The following RALY variants were observed in gnomAD, a reference collection of about 807,000 sequenced individuals.
RALY encodes the protein RNA-binding protein Raly.
In RALY, 15 loss-of-function variants were observed where a neutral mutation model predicts 30.7. The ratio of observed to expected loss-of-function variants is 0.49; its 90% CI spans 0.33 to 0.75. The LOEUF (loss-of-function observed/expected upper bound fraction) is 0.75, where lower values mean the gene tolerates loss of function less well. RALY is among the 30% of genes least tolerant of loss of function. The pLI is 0.02. For synonymous variants in RALY, 177 were observed against 170.8 expected (o/e 1.04, Z -0.28); for missense variants, 339 against 414.3 (o/e 0.82, Z 1.58).
chr20:34,031,502 G>A lies in RALY; in HGVS notation c.-92-20G>A, dbSNP rs2032277239. On this transcript the variant is annotated intron_variant, in intron 1 of 9. Coordinates refer to ENST00000246194, the MANE Select transcript of RALY (RefSeq NM_016732.3). ...CCTGTTCTGAGCAGCACCCCTAATG[G>A]ACTTCTCTCTCTATTGTAGGTGAGC... The A allele has an allele frequency of 6.6e-6, 1 of 152,076 alleles. No homozygotes were observed. 9.4% of individuals were successfully genotyped at this position (152,076 alleles called of 1,614,324 possible).
intron 1 of RALY, among the ~76,000 whole-genome samples, chr20:34,010,803 C>CTGGAGAGGT (rs1205085535): frequency 2.0e-5 from 3 of 152,120 alleles, no homozygotes; most frequent in Non-Finnish European, 4.4e-5. Context: ...TCTTATAGGT[C>CTGGAGAGGT]TGGAGAGGTT....
rs570328139 is a variant in RALY at position 34,009,111 on chromosome 20, A to G, written c.-93+14980A>G. 7.9e-5 allele frequency among the ~76,000 whole-genome samples: 12 copies of G among 152,274 alleles called. No individual in the cohort carries two copies. In the South Asian group the frequency reaches 2.5e-3, roughly 32 times the overall value. Reference sequence around the variant, plus strand: ...GGAGGAAGATTTTTGAGAAAGTAGCAGAGGCTAGAGCCTGACGCTGACCAT... The same window carrying G: ...GGAGGAAGATTTTTGAGAAAGTAGCGGAGGCTAGAGCCTGACGCTGACCAT... On this transcript the variant is annotated intron_variant, in intron 1 of 9. Coordinates refer to ENST00000246194, the MANE Select transcript of RALY (RefSeq NM_016732.3).
intron 1 of RALY, among the ~76,000 whole-genome samples, chr20:34,006,622 T>G (rs1039647172): frequency 6.7e-6 from 1 of 149,118 alleles, no homozygotes; most frequent in African/African-American, 2.6e-5. Context: ...CTAATATGAT[T>G]GTAATACCAT....
chr20:34,001,632 T>A (rs1301617145), intron 1 of RALY, among the ~76,000 whole-genome samples: 1 of 152,274 alleles, frequency 6.6e-6, no homozygotes, highest in Non-Finnish European at 1.5e-5. Flanking sequence ...ATTTGTCTAG[T>A]TTCCTTTGAA....
At chr20:34,013,797 A>G (rs548804124) in intron 1 of RALY, among the ~76,000 whole-genome samples, 21 of 152,244 alleles carry the variant, frequency 1.4e-4, no homozygotes, top group African/African-American at 4.6e-4. Context: ...ACTTATCTCT[A>G]TTTCCCTTGT....
At chr20:34,042,917 C>CAAAA (rs1354894542) in intron 2 of RALY, among the ~76,000 whole-genome samples, 2 of 152,306 alleles carry the variant, frequency 1.3e-5, no homozygotes, top group East Asian at 3.9e-4. Context: ...TCTAACATGA[C>CAAAA]TTTTAAGTGG....
chr20:34,058,276 C>T (rs1050200595), intron 2 of RALY, among the ~76,000 whole-genome samples: 2 of 152,038 alleles, frequency 1.3e-5, no homozygotes, highest in Non-Finnish European at 2.9e-5. Context: ...GGTTGGCTTT[C>T]GTTTGATGCT....
rs138436480 is a variant in RALY at position 34,072,899 on chromosome 20, T to C, written c.256+569T>C. ...TGGATTGACTGAACATGTGGAGATA[T>C]GTGGACACAACCCTTGTATGTATAG... On this transcript the variant is annotated intron_variant, in intron 3 of 9. Transcript: ENST00000246194. 1.1e-3 allele frequency among the ~76,000 whole-genome samples: 167 copies of C among 151,990 alleles called. 1 individual carries two copies. Among genetic ancestry groups the C allele is most frequent in the African/African-American group, 3.8e-3 (159 of 41,422 alleles).
chr20:34,071,956 T>C lies in RALY; in HGVS notation c.-9-110T>C, dbSNP rs950257896. 4.9e-6 allele frequency: 6 copies of C among 1,233,482 alleles called. No individual in the cohort carries two copies. The African/African-American group carries it at 9.1e-5, about 19-fold the overall frequency. The allele number at this position is 1,233,482 out of a possible 1,614,324, so 76.4% of individuals were successfully genotyped here. A position where few individuals can be genotyped will look rare whatever the true frequency, so the allele number is the denominator to read the frequency against. ...ATGCAGGAACAGGTAGGCTGGATGC[T>C]ATAAGGGTTAAGGAAGGTAAGAGGC... is the stretch of plus-strand genomic sequence containing the variant. On this transcript the variant is annotated intron_variant, in intron 2 of 9. Transcript: ENST00000246194.
chr20:33,994,407 C>CAAT (rs1424406594), intron 1 of RALY: 2 of 152,332 alleles, frequency 1.3e-5, no homozygotes, highest in East Asian at 3.9e-4. Context: ...AAGTCTGGGC[C>CAAT]AGTAGTTGGC....
chr20:33,995,803 C>CAGAGTGAGA (rs1462885516), intron 1 of RALY, among the ~76,000 whole-genome samples: 1 of 152,196 alleles, frequency 6.6e-6, no homozygotes, highest in Admixed American at 6.5e-5. Flanking sequence ...GCCTTAGTGT[C>CAGAGTGAGA]AGAGTGAGAA....
intron 2 of RALY, among the ~76,000 whole-genome samples, chr20:34,054,404 G>C (rs2033175225): frequency 6.6e-6 from 1 of 152,230 alleles, no homozygotes; most frequent in Non-Finnish European, 1.5e-5. Flanking sequence ...GGGTCCAGAG[G>C]AGTGAGTGGC....
intron 1 of RALY, among the ~76,000 whole-genome samples, chr20:34,008,650 A>G (rs1474362028): frequency 6.6e-6 from 1 of 152,134 alleles, no homozygotes; most frequent in Non-Finnish European, 1.5e-5. Context: ...TTTGGCCTGC[A>G]GTAGTGGTGT....
intron 1 of RALY, 149 bp downstream of exon 1, chr20:33,994,280 C>T (rs1268888274): frequency 1.3e-5 from 2 of 152,404 alleles, no homozygotes; most frequent in African/African-American, 2.4e-5. Context: ...CCGAGTAACT[C>T]TAGGCCCCCT....
At chr20:34,037,649 C>T (rs924772044) in intron 2 of RALY, among the ~76,000 whole-genome samples, 3 of 152,116 alleles carry the variant, frequency 2.0e-5, no homozygotes, top group African/African-American at 4.8e-5. Flanking sequence ...TTCTACCCAG[C>T]GTACTGTGTA....
chr20:33,998,290 C>G (rs886712312), intron 1 of RALY, among the ~76,000 whole-genome samples: 3 of 152,038 alleles, frequency 2.0e-5, no homozygotes, highest in Non-Finnish European at 2.9e-5. Flanking sequence ...TCAGGGAAGG[C>G]TTTTTAGGAG....
intron 2 of RALY, among the ~76,000 whole-genome samples, chr20:34,068,324 TA>T (rs2033635457): frequency 6.6e-6 from 1 of 152,146 alleles, no homozygotes; most frequent in African/African-American, 2.4e-5. Flanking sequence ...CACTCTAAGC[TA>T]GGGGGTACCT....
At chr20:34,077,476 C>A in intron 8 of RALY, 1 of 867,960 alleles carries the variant, frequency 1.2e-6, no homozygotes, top group Non-Finnish European at 1.7e-6. Flanking sequence ...CCCCCAAATG[C>A]GGGCACATTC....
At chr20:34,047,565 T>C (rs2032925154) in intron 2 of RALY, among the ~76,000 whole-genome samples, 2 of 152,246 alleles carry the variant, frequency 1.3e-5, no homozygotes. Flanking sequence ...CATCAGCTCC[T>C]GGCAGAGTTG....
Sources: gnomAD v4.1 joint callset for allele counts (sites outside exome capture counted in the v4.1 genomes callset) on GRCh38, gnomAD v4.1.1 for gene constraint, MANE v1.5 for transcripts, NCBI Gene and HGNC (gene_info 2026-07-23, HGNC 2026-07-21) for gene names.